The following PML variants were observed in gnomAD, a reference collection of about 807,000 sequenced individuals.
PML encodes protein PML.
PML carries 28 observed loss-of-function variants against 65.2 expected under a neutral mutation model. The ratio of observed to expected loss-of-function variants is 0.43; its 90% confidence interval spans 0.32 to 0.59. The LOEUF is 0.59. Among genes scored for constraint, PML ranks in the 20% least tolerant of loss-of-function variants. The pLI, the probability that PML is intolerant of heterozygous loss-of-function variation, is 0.08. For synonymous variants in PML, 500 were observed against 508.8 expected (o/e 0.98, Z 0.23); for missense variants, 1,021 against 1,203.4 (o/e 0.85, Z 2.24).
At chr15:74,036,492 C>T (rs1208351412) in intron 7 of PML, 2 of 1,192,486 alleles carry the variant, frequency 1.7e-6, no homozygotes, top group East Asian at 4.0e-5. Flanking sequence ...ACTCAGTTCT[C>T]CTCTGGGGAT....
intron 2 of PML, among the ~76,000 whole-genome samples, chr15:73,999,313 C>T (rs560081655): frequency 1.3e-5 from 2 of 152,296 alleles, no homozygotes; most frequent in South Asian, 2.1e-4. Context: ...TCATAGAAGG[C>T]GCTTCTTGGT....
chr15:74,025,012 AGG>A, intron 4 of PML, 85 bp downstream of exon 4: 9 of 897,550 alleles, frequency 1.0e-5, no homozygotes, highest in Non-Finnish European at 1.7e-5. Flanking sequence ...CTGTGTGTGC[AGG>A]GAGAGCGTCT....
chr15:74,037,767 G>T lies in PML; in HGVS notation c.1710+3237G>T. The T allele has an allele frequency of 1.0e-6, 1 of 956,268 alleles. No individual in the cohort carries two copies. The allele number at this position is 956,268 out of a possible 1,614,324, so 59.2% of individuals were successfully genotyped here. A position where few individuals can be genotyped will look rare whatever the true frequency, so the allele number is the denominator to read the frequency against. On this transcript the variant is annotated intron_variant, in intron 7 of 8. Coordinates refer to ENST00000268058, the MANE Select transcript of PML (RefSeq NM_033238.3). The surrounding 1 kb of genome is among the most constrained non-coding windows in gnomAD (Gnocchi z 4.2). ...CCTCTGCAGGCTCTGTTTTTTCTTG[G>T]TTGTGGTGCTCCTGCAGGTTTGCTG...
At chr15:73,996,268 T>A (rs977339089) in intron 1 of PML, among the ~76,000 whole-genome samples, 1 of 152,186 alleles carries the variant, frequency 6.6e-6, no homozygotes, top group Non-Finnish European at 1.5e-5. Context: ...CCTTCTAGTT[T>A]CCTTGGCTGG....
intron 4 of PML, among the ~76,000 whole-genome samples, chr15:74,029,280 TCTTAA>T (rs1348078185): frequency 6.6e-6 from 1 of 152,092 alleles, no homozygotes; most frequent in Non-Finnish European, 1.5e-5. Flanking sequence ...ATATATTATA[TCTTAA>T]CTTATAGTAT....
At chr15:74,010,185 ATTTTTTTTT>A (rs536738558) in intron 2 of PML, among the ~76,000 whole-genome samples, 6,832 of 77,856 alleles carry the variant, frequency 0.088, 162 homozygotes, top group African/African-American at 0.12. Context: ...TGCCCAGCTA[ATTTTTTTTT>A]TTTTTTTTTT....
At chr15:74,034,674 G>A in intron 7 of PML, 144 bp downstream of exon 7, 16 of 1,575,880 alleles carry the variant, frequency 1.0e-5, no homozygotes, top group Non-Finnish European at 1.3e-5. Context: ...GCTGTGCTGA[G>A]GACAGTCTCC....
rs1007226130 is a variant in PML, at chr15:74,047,468, C to A, written c.*2460C>A. The A allele has an allele frequency of 4.4e-6, 1 of 227,044 alleles. No individual in the cohort carries two copies. Among genetic ancestry groups the A allele is most frequent in the Admixed American group, 5.7e-5 (1 of 17,556 alleles). 14.1% of individuals were successfully genotyped at this position (227,044 alleles called of 1,614,324 possible). A position where few individuals can be genotyped will look rare whatever the true frequency, so the allele number is the denominator to read the frequency against. On this transcript the variant is annotated 3_prime_UTR_variant, in exon 9 of 9. Transcript: ENST00000268058. Reference sequence around the variant, plus strand: ...TCCTTTGACCAAGAAGATCCAGTCCCAATATGTCACCTGTGCTTCATCTTT... The same window carrying A: ...TCCTTTGACCAAGAAGATCCAGTCCAAATATGTCACCTGTGCTTCATCTTT...
rs905302018 is a variant in PML at position 74,046,514 on chromosome 15, G to A, written c.*1506G>A. The A allele has an allele frequency of 4.3e-6, 1 of 232,704 alleles. No individual in the cohort carries two copies. The highest frequency in any genetic ancestry group is 8.5e-6 in the Non-Finnish European group (1 of 117,754). The allele number at this position is 232,704 out of a possible 1,614,324, so 14.4% of individuals were successfully genotyped here. ...AAGACCCACTGAGGAATTCCGTAGG[G>A]TCTTGTTCCCACGACCGGAGTGCTG... On this transcript the variant is annotated 3_prime_UTR_variant, in exon 9 of 9. Coordinates refer to ENST00000268058, the MANE Select transcript of PML (RefSeq NM_033238.3).
chr15:74,016,505 A>G (rs1567126229), intron 2 of PML, among the ~76,000 whole-genome samples: 1 of 152,050 alleles, frequency 6.6e-6, no homozygotes, highest in Non-Finnish European at 1.5e-5. Flanking sequence ...TAATACCTAG[A>G]TGGGATGTTC....
Position 74,035,153 on chromosome 15 carries a change from G to A in PML, c.1710+623G>A. The stretch of plus-strand genomic sequence containing the variant: ...TGAGGTCTCTTCCAGCCCTCAGTCT[G>A]AGGTTCTGTATTGGAAAGTGCATGG... On this transcript the variant is annotated intron_variant, in intron 7 of 8. Coordinates refer to ENST00000268058, the MANE Select transcript of PML (RefSeq NM_033238.3). This position sits in a 1 kb window ranked among gnomAD's most constrained non-coding sequence, Gnocchi z 4.1. The A allele has an allele frequency of 8.4e-7, 1 of 1,186,134 alleles. No individual in the cohort carries two copies. Among genetic ancestry groups the A allele is most frequent in the East Asian group, 2.3e-5 (1 of 42,908 alleles). The allele number at this position is 1,186,134 out of a possible 1,614,324, so 73.5% of individuals were successfully genotyped here. A position where few individuals can be genotyped will look rare whatever the true frequency, so the allele number is the denominator to read the frequency against.
Position 74,035,466 on chromosome 15 carries a change from C to G in PML, c.1710+936C>G, listed in dbSNP as rs1235490733. 9 of 1,612,380 alleles carry G rather than the reference C, an allele frequency of 5.6e-6. No homozygotes were observed. The highest frequency in any genetic ancestry group is 7.6e-6 in the Non-Finnish European group (9 of 1,180,004). ...CAGAGCACAGAGAGCCATCCGCCTTCGCCATGCCCTCCGCTTGCACCCTCA... is the reference window on the plus strand; with the variant it reads ...CAGAGCACAGAGAGCCATCCGCCTTGGCCATGCCCTCCGCTTGCACCCTCA... On this transcript the variant is annotated intron_variant, in intron 7 of 8. Transcript: ENST00000268058. This position sits in a 1 kb window ranked among gnomAD's most constrained non-coding sequence, Gnocchi z 4.1.
chr15:74,002,802 A>G (rs529637473), intron 2 of PML, among the ~76,000 whole-genome samples: 22 of 152,160 alleles, frequency 1.4e-4, no homozygotes, highest in African/African-American at 4.8e-4. Context: ...TCTCTAAATG[A>G]TAATTACAGA....
At chr15:74,015,002 A>G (rs1316886366) in intron 2 of PML, among the ~76,000 whole-genome samples, 1 of 152,070 alleles carries the variant, frequency 6.6e-6, no homozygotes, top group Non-Finnish European at 1.5e-5. Context: ...GTGGAGAAGA[A>G]AAAGCACAAA....
rs987209854 is a variant in PML, at chr15:74,032,327, T to C, written c.1255-245T>C. 4.8e-5 allele frequency: 26 copies of C among 538,350 alleles called. No individual in the cohort carries two copies. In the African/African-American group the frequency reaches 4.8e-4, roughly 10 times the overall value. 33.3% of individuals were successfully genotyped at this position (538,350 alleles called of 1,614,324 possible). A position where few individuals can be genotyped will look rare whatever the true frequency, so the allele number is the denominator to read the frequency against. ...CAGGAGAATTGCTCAAGCCCAGGAGTTCAAGACCAGCGTGGGCAACATAGT... is the reference window on the plus strand; with the variant it reads ...CAGGAGAATTGCTCAAGCCCAGGAGCTCAAGACCAGCGTGGGCAACATAGT... On this transcript the variant is annotated intron_variant, in intron 4 of 8. Transcript: ENST00000268058.
At chr15:74,023,785 A>G (rs2070953623) in intron 3 of PML, among the ~76,000 whole-genome samples, 1 of 152,192 alleles carries the variant, frequency 6.6e-6, no homozygotes, top group South Asian at 2.1e-4. Context: ...GGAACAGAGA[A>G]GTCAATTGGG....
chr15:74,005,490 C>T lies in PML; in HGVS notation c.602+7014C>T, dbSNP rs377294605. On this transcript the variant is annotated intron_variant, in intron 2 of 8. Coordinates refer to ENST00000268058, the MANE Select transcript of PML (RefSeq NM_033238.3). Reference sequence around the variant, plus strand: ...TCCCCGAGATTCTCAGAGAGCTCCTCGAATTGTTTTTCTAACTCGCCAGCT... The same window carrying T: ...TCCCCGAGATTCTCAGAGAGCTCCTTGAATTGTTTTTCTAACTCGCCAGCT... 1.4e-4 allele frequency among the ~76,000 whole-genome samples: 21 copies of T among 151,784 alleles called. No homozygotes were observed. In the South Asian group the frequency reaches 3.7e-3, roughly 27 times the overall value.
intron 4 of PML, chr15:74,027,730 G>A (rs2071144238): frequency 6.6e-6 from 1 of 152,232 alleles, no homozygotes; most frequent in Non-Finnish European, 1.5e-5. Context: ...AATAGACGTG[G>A]CCTCTCACTA....
Position 74,046,092 on chromosome 15 carries a change from C to T in PML, c.*1084C>T, listed in dbSNP as rs2071767843. ...GTCCCTTCCTAAGCTCTAGTGTCCC[C>T]ATCTGTAAAATGGGCTGATTGGCCT... is the stretch of plus-strand genomic sequence containing the variant. On this transcript the variant is annotated 3_prime_UTR_variant, in exon 9 of 9. Transcript: ENST00000268058. The T allele has an allele frequency of 4.3e-6, 1 of 233,104 alleles. No homozygotes were observed. Among genetic ancestry groups the T allele is most frequent in the Admixed American group, 5.6e-5 (1 of 17,788 alleles). 14.4% of individuals were successfully genotyped at this position (233,104 alleles called of 1,614,324 possible).
Sources: gnomAD v4.1 joint callset for allele counts (sites outside exome capture counted in the v4.1 genomes callset) on GRCh38, gnomAD v4.1.1 for gene constraint, Gnocchi (gnomAD v3.1) non-coding constraint, MANE v1.5 for transcripts, NCBI Gene and HGNC (gene_info 2026-07-23, HGNC 2026-07-21) for gene names.